PAK1: variants seen among roughly 807,000 people sequenced by gnomAD.
PAK1 encodes the protein p21 (RAC1) activated kinase 1.
PAK1 carries 29 observed loss-of-function variants against 67.4 expected under a neutral mutation model. That is an observed-to-expected ratio of 0.43 (90% confidence interval 0.32 to 0.59). The LOEUF is 0.59. Ranked by LOEUF, PAK1 falls within the 20% of genes least tolerant of loss-of-function variation. The pLI is 0.07. For missense variants in PAK1, 337 were observed against 670.7 expected (o/e 0.50, Z 5.50); for synonymous variants, 223 against 237.4 (o/e 0.94, Z 0.56).
chr11:77,337,257 G>T, intron 12 of PAK1, 67 bp downstream of exon 12: 1 of 734,056 alleles, frequency 1.4e-6, no homozygotes, highest in South Asian at 1.8e-5. Flanking sequence ...ATTATATGAT[G>T]ACCATCTCAC....
chr11:77,513,924 G>A, the PAK1 span, among the ~76,000 whole-genome samples: 4 of 152,144 alleles, frequency 2.6e-5, no homozygotes, highest in Admixed American at 2.0e-4. Flanking sequence ...CAAGTACTGT[G>A]CTGGACACCT....
At chr11:77,513,336 G>C in the PAK1 span, among the ~76,000 whole-genome samples, 1 of 152,078 alleles carries the variant, frequency 6.6e-6, no homozygotes. Context: ...CCTCTCTCAA[G>C]ATAATCCTGC....
the PAK1 span, among the ~76,000 whole-genome samples, chr11:77,499,808 C>T: frequency 1.6e-4 from 25 of 152,286 alleles, no homozygotes; most frequent in African/African-American, 6.0e-4. Flanking sequence ...CACACACACA[C>T]ACATACACAC....
chr11:77,359,870 A>G (rs1243719805), intron 5 of PAK1, among the ~76,000 whole-genome samples: 1 of 152,160 alleles, frequency 6.6e-6, no homozygotes, highest in African/African-American at 2.4e-5. Context: ...CTATCATTTG[A>G]TCAGCAAAGA....
At chr11:77,388,439 C>T (rs758398163) in intron 2 of PAK1, among the ~76,000 whole-genome samples, 8 of 152,206 alleles carry the variant, frequency 5.3e-5, no homozygotes, top group Non-Finnish European at 1.0e-4. Flanking sequence ...CTGCAAGCTC[C>T]GCCTCCTGGG....
At chr11:77,418,128 TAGAA>T (rs540204563) in intron 1 of PAK1, among the ~76,000 whole-genome samples, 2 of 152,116 alleles carry the variant, frequency 1.3e-5, no homozygotes, top group Non-Finnish European at 2.9e-5. Context: ...AGCAAAAAAA[TAGAA>T]AGAAACAAAG....
chr11:77,378,497 A>T (rs1949388490), intron 4 of PAK1, among the ~76,000 whole-genome samples: 1 of 152,232 alleles, frequency 6.6e-6, no homozygotes, highest in Non-Finnish European at 1.5e-5. Context: ...TAATAATATT[A>T]ACAATAATGA....
intron 14 of PAK1, 93 bp downstream of exon 14, chr11:77,332,637 T>C: frequency 1.0e-6 from 1 of 978,600 alleles, no homozygotes; most frequent in Admixed American, 2.0e-5. Flanking sequence ...GAAGCCTAGT[T>C]CTATAATATC....
chr11:77,358,716 A>T (rs1235127287), intron 6 of PAK1, 182 bp downstream of exon 6: 12 of 674,172 alleles, frequency 1.8e-5, no homozygotes, highest in Non-Finnish European at 5.2e-6. Context: ...AAATAAACAC[A>T]TGATTTTTTG....
chr11:77,369,449 T>TC (rs1193921130), intron 5 of PAK1, among the ~76,000 whole-genome samples: 1 of 138,582 alleles, frequency 7.2e-6, no homozygotes, highest in East Asian at 2.0e-4. Context: ...CATTTCTTTT[T>TC]TTTTTTTTTT....
chr11:77,470,728 T>A (rs933241088), intron 1 of PAK1, among the ~76,000 whole-genome samples: 14 of 152,138 alleles, frequency 9.2e-5, no homozygotes, highest in Non-Finnish European at 1.9e-4. Flanking sequence ...GAAGAGACAG[T>A]TTTAAGTTAA....
intron 1 of PAK1, among the ~76,000 whole-genome samples, chr11:77,424,512 A>ATGT (rs913682142): frequency 6.6e-6 from 1 of 152,196 alleles, no homozygotes; most frequent in African/African-American, 2.4e-5. Context: ...CTAACTAAAA[A>ATGT]TGTTCTATCT....
intron 1 of PAK1, among the ~76,000 whole-genome samples, chr11:77,461,968 C>T (rs1376550338): frequency 6.6e-6 from 1 of 152,184 alleles, no homozygotes; most frequent in East Asian, 1.9e-4. Flanking sequence ...TGCAATTCCT[C>T]AGCTTAAAGG....
chr11:77,414,595 C>T (rs1455081383), intron 1 of PAK1, among the ~76,000 whole-genome samples: 1 of 152,176 alleles, frequency 6.6e-6, no homozygotes, highest in East Asian at 1.9e-4. Flanking sequence ...AATAGACCCA[C>T]ACAAATGTGG....
intron 6 of PAK1, among the ~76,000 whole-genome samples, chr11:77,356,903 C>T (rs1173125778): frequency 6.6e-6 from 1 of 152,050 alleles, no homozygotes; most frequent in Non-Finnish European, 1.5e-5. Context: ...CTTCCTTTCC[C>T]CAGGAGATGC....
Position 77,323,306 on chromosome 11 carries a change from C to T in PAK1, c.1606G>A (p.Ala536Thr). The T allele has an allele frequency of 6.2e-7, 1 of 1,613,966 alleles. No individual in the cohort carries two copies. The highest frequency in any genetic ancestry group is 8.5e-7 in the Non-Finnish European group (1 of 1,179,908). Residue 536 changes from alanine to threonine, a missense_variant, in exon 15 of 15, where the codon GCA becomes ACA. Physicochemically the swap from Ala to Thr is moderately conservative, Grantham distance 58 (BLOSUM62 0). This residue lies in a region of PAK1 where 71 missense variants were observed against 160.5 expected (regional missense o/e 0.44). Transcript: ENST00000356341. ...PLSSLTPLIA[A>T]AKEATKNNH is the part of the protein sequence containing the mutation. Reference sequence around the variant, plus strand: ...TTGTTCTTTGTTGCCTCCTTAGCTGCAGCAATCAGTGGAGTGAGGCTGGAG... The same window carrying T: ...TTGTTCTTTGTTGCCTCCTTAGCTGTAGCAATCAGTGGAGTGAGGCTGGAG...
At chr11:77,439,657 C>G (rs1956272631) in intron 1 of PAK1, among the ~76,000 whole-genome samples, 1 of 152,194 alleles carries the variant, frequency 6.6e-6, no homozygotes, top group African/African-American at 2.4e-5. Flanking sequence ...TTCTCCTGCC[C>G]TCCTTCTATG....
At chr11:77,489,820 C>T in the PAK1 span, among the ~76,000 whole-genome samples, 6 of 152,254 alleles carry the variant, frequency 3.9e-5, no homozygotes, top group Admixed American at 1.3e-4. Context: ...TCCCAGCAGC[C>T]TGCCTTGGCC....
In PAK1 at chr11:77,355,783, T is replaced by A; in HGVS notation, c.657A>T (p.Thr219=). The change falls in exon 7 of 15, where the codon ACA becomes ACT. Residue 219 remains threonine (T), a synonymous_variant. Transcript: ENST00000356341. ...LPVTPTRDVA[T]SPISPTENNT... ...TATTTTCAGTAGGTGAAATGGGAGA[T>A]GTAGCCACGTCCCGAGTTGGAGTGA... 2 of 1,613,612 alleles carry A rather than the reference T, an allele frequency of 1.2e-6. No individual in the cohort carries two copies. Among genetic ancestry groups the A allele is most frequent in the Non-Finnish European group, 1.7e-6 (2 of 1,179,624 alleles).
Sources: gnomAD v4.1 joint callset for allele counts (sites outside exome capture counted in the v4.1 genomes callset) on GRCh38, gnomAD v4.1.1 for gene constraint, gnomAD v4.1.1 regional missense constraint, MANE v1.5 for transcripts, NCBI Gene and HGNC (gene_info 2026-07-23, HGNC 2026-07-21) for gene names.